The following CAMK1D variants were observed in gnomAD, a reference collection of about 807,000 sequenced individuals.
CAMK1D encodes calcium/calmodulin dependent protein kinase ID.
A neutral mutation model predicts 47.7 loss-of-function variants in CAMK1D; 9 were observed. The ratio of observed to expected loss-of-function variants is 0.19; its 90% CI spans 0.11 to 0.33. The LOEUF (loss-of-function observed/expected upper bound fraction) is 0.33, where lower values mean the gene tolerates loss of function less well. CAMK1D is among the 10% of genes least tolerant of loss of function. The probability of loss-of-function intolerance (pLI) is 1.00; values close to 1 mark genes in which losing one functional copy is unlikely to be tolerated. For missense variants in CAMK1D, 291 were observed against 488.7 expected (o/e 0.60, Z 3.81); for synonymous variants, 184 against 184.9 (o/e 0.99, Z 0.04).
chr10:12,525,977 T>C (rs2768456), intron 1 of CAMK1D, among the ~76,000 whole-genome samples: 83,077 of 151,936 alleles, frequency 0.55, 22,791 homozygotes, highest in South Asian at 0.69. Flanking sequence ...TGGTCTCAAA[T>C]TCCTTCCTGA....
At chr10:12,554,713 A>AT (rs111563640) in intron 2 of CAMK1D, among the ~76,000 whole-genome samples, 60,326 of 148,734 alleles carry the variant, frequency 0.41, 12,290 homozygotes, top group East Asian at 0.46. Flanking sequence ...ATTAAAAAAA[A>AT]ATTTTTTTTT....
At chr10:12,462,904 A>G (rs376289001) in intron 1 of CAMK1D, among the ~76,000 whole-genome samples, 1 of 152,200 alleles carries the variant, frequency 6.6e-6, no homozygotes, top group African/African-American at 2.4e-5. Context: ...AGTCCTCTGC[A>G]GTGAAGTGGT....
rs145506913 is a variant in CAMK1D, at chr10:12,599,034, G to C, written c.224+45678G>C. On this transcript the variant is annotated intron_variant, in intron 2 of 10. Transcript: ENST00000619168. ...CAGGTATTCATAGAATTCAGAGAGG[G>C]GGTGTGACCTGCCCATGATTTAGGA... 5.3e-5 allele frequency among the ~76,000 whole-genome samples: 8 copies of C among 152,288 alleles called. No homozygotes were observed. The East Asian group carries it at 1.4e-3, about 26-fold the overall frequency.
chr10:12,814,047 C>T lies in CAMK1D; in HGVS notation c.642-148C>T, dbSNP rs553008584. On this transcript the variant is annotated intron_variant, in intron 6 of 10. Transcript: ENST00000619168. ...CAAGTGATCTGCCCGCCTTGGCCTCCCAAATTGCTGGGATTACCTGCGTGA... is the reference window on the plus strand; with the variant it reads ...CAAGTGATCTGCCCGCCTTGGCCTCTCAAATTGCTGGGATTACCTGCGTGA... 3.3e-4 allele frequency: 184 copies of T among 561,798 alleles called. 1 individual carries two copies. The highest frequency in any genetic ancestry group is 3.1e-3 in the African/African-American group (164 of 52,648). The allele number at this position is 561,798 out of a possible 1,614,324, so 34.8% of individuals were successfully genotyped here. A position where few individuals can be genotyped will look rare whatever the true frequency, so the allele number is the denominator to read the frequency against.
intron 1 of CAMK1D, among the ~76,000 whole-genome samples, chr10:12,369,054 C>T (rs1160235969): frequency 6.6e-6 from 1 of 152,058 alleles, no homozygotes; most frequent in Non-Finnish European, 1.5e-5. Context: ...TGACCTCGTG[C>T]TCTGCCCACC....
intron 3 of CAMK1D, among the ~76,000 whole-genome samples, chr10:12,718,826 G>A (rs915685802): frequency 6.6e-6 from 1 of 151,858 alleles, no homozygotes. Flanking sequence ...TTTCTACTGA[G>A]CACACCGTAC....
chr10:12,600,739 T>C (rs1371618078), intron 2 of CAMK1D, among the ~76,000 whole-genome samples: 1 of 152,222 alleles, frequency 6.6e-6, no homozygotes, highest in Non-Finnish European at 1.5e-5. Flanking sequence ...TCATGTACAT[T>C]GTACCCATTA....
At chr10:12,817,178 G>A (rs1832834744) in intron 8 of CAMK1D, among the ~76,000 whole-genome samples, 1 of 152,162 alleles carries the variant, frequency 6.6e-6, no homozygotes, top group Non-Finnish European at 1.5e-5. Flanking sequence ...CACAACACGT[G>A]GGAATTCAAG....
At chr10:12,441,552 C>T (rs897196325) in intron 1 of CAMK1D, among the ~76,000 whole-genome samples, 6 of 151,954 alleles carry the variant, frequency 3.9e-5, no homozygotes, top group African/African-American at 1.4e-4. Flanking sequence ...AGTCCTCACA[C>T]CTGTAATCCC....
intron 3 of CAMK1D, among the ~76,000 whole-genome samples, chr10:12,735,644 C>T (rs1364164530): frequency 6.6e-6 from 1 of 152,184 alleles, no homozygotes; most frequent in Non-Finnish European, 1.5e-5. Flanking sequence ...TCTAGAGGTA[C>T]CAACCGTCTC....
At chr10:12,693,042 G>A (rs1196638016) in intron 3 of CAMK1D, among the ~76,000 whole-genome samples, 2 of 152,084 alleles carry the variant, frequency 1.3e-5, no homozygotes, top group African/African-American at 4.8e-5. Flanking sequence ...TAATGTGGGT[G>A]GGCCTAATCC....
At chr10:12,748,756 T>G (rs1047578883) in intron 3 of CAMK1D, among the ~76,000 whole-genome samples, 2 of 152,132 alleles carry the variant, frequency 1.3e-5, no homozygotes, top group African/African-American at 4.8e-5. Flanking sequence ...CAAAGCAAAA[T>G]TAGCCAGTTG....
At chr10:12,755,894 A>C (rs183650524) in intron 3 of CAMK1D, among the ~76,000 whole-genome samples, 3 of 152,322 alleles carry the variant, frequency 2.0e-5, no homozygotes, top group Admixed American at 6.5e-5. Context: ...CTTAGAAAAC[A>C]CATTTATAAC....
chr10:12,458,948 G>A (rs1404573526), intron 1 of CAMK1D, among the ~76,000 whole-genome samples: 3 of 149,818 alleles, frequency 2.0e-5, no homozygotes, highest in South Asian at 4.2e-4. Flanking sequence ...GTGTGAGCTC[G>A]GCTTACTGCA....
chr10:12,434,017 C>T (rs1412702402), intron 1 of CAMK1D, among the ~76,000 whole-genome samples: 2 of 152,144 alleles, frequency 1.3e-5, no homozygotes, highest in East Asian at 3.8e-4. Context: ...ATTACCCAGG[C>T]TGGAATGCGG....
At chr10:12,512,295 G>A (rs1341422396) in intron 1 of CAMK1D, among the ~76,000 whole-genome samples, 2 of 152,194 alleles carry the variant, frequency 1.3e-5, no homozygotes, top group African/African-American at 2.4e-5. Context: ...ATTCTGATTC[G>A]TTGGGGAGAA....
intron 1 of CAMK1D, among the ~76,000 whole-genome samples, chr10:12,508,142 A>G (rs2132157545): frequency 6.6e-6 from 1 of 152,348 alleles, no homozygotes; most frequent in African/African-American, 2.4e-5. Flanking sequence ...GTTCTCAGGG[A>G]GAAATCCTGC....
intron 6 of CAMK1D, among the ~76,000 whole-genome samples, chr10:12,792,592 C>T (rs147576298): frequency 9.6e-4 from 146 of 152,346 alleles, no homozygotes; most frequent in Admixed American, 3.6e-3. Context: ...TCCCCCACTA[C>T]ACCACCACCA....
intron 1 of CAMK1D, among the ~76,000 whole-genome samples, chr10:12,514,771 C>T (rs1236032743): frequency 2.0e-5 from 3 of 152,252 alleles, no homozygotes; most frequent in Admixed American, 1.3e-4. Context: ...TAAGAAGTGT[C>T]TAATACAATG....
Sources: allele counts gnomAD v4.1 joint callset (sites outside exome capture counted in the v4.1 genomes callset), GRCh38; gene constraint gnomAD v4.1.1; transcripts MANE v1.5; gene names NCBI Gene and HGNC (gene_info 2026-07-23, HGNC 2026-07-21).